TPST1: variants seen among roughly 807,000 people sequenced by gnomAD.
TPST1 encodes protein-tyrosine sulfotransferase 1.
Under a neutral mutation model 34.8 loss-of-function variants are expected in TPST1, and 20 were observed. The ratio of observed to expected loss-of-function variants is 0.57; its 90% confidence interval spans 0.40 to 0.84. The LOEUF (loss-of-function observed/expected upper bound fraction) is 0.84, where lower values mean the gene tolerates loss of function less well. TPST1 is among the 40% of genes least tolerant of loss of function. TPST1 has a pLI of 0.00. For synonymous variants in TPST1, 152 were observed against 159.4 expected (o/e 0.95, Z 0.35); for missense variants, 353 against 455.5 (o/e 0.78, Z 2.05).
intron 2 of TPST1, among the ~76,000 whole-genome samples, chr7:66,275,657 A>G (rs111497332): frequency 1.4e-4 from 22 of 152,226 alleles, no homozygotes; most frequent in Non-Finnish European, 2.9e-4. Flanking sequence ...ATTTCTATGT[A>G]GAACCTAAAA....
intron 2 of TPST1, among the ~76,000 whole-genome samples, chr7:66,284,419 A>G (rs1051757593): frequency 1.3e-5 from 2 of 151,584 alleles, no homozygotes; most frequent in African/African-American, 4.8e-5. Context: ...AAAAACCCAC[A>G]TGCTTTTTCT....
chr7:66,224,898 A>ATT (rs1385577766), intron 1 of TPST1, among the ~76,000 whole-genome samples: 2 of 46,132 alleles, frequency 4.3e-5, no homozygotes, highest in African/African-American at 1.6e-4. Context: ...ACATTCTGGT[A>ATT]TTCTTTTTTT....
In TPST1 at chr7:66,241,264, T is replaced by C; in HGVS notation, c.839T>C (p.Leu280Pro). The C allele has an allele frequency of 6.2e-7, 1 of 1,604,828 alleles. No homozygotes were observed. Among genetic ancestry groups the C allele is most frequent in the East Asian group, 2.2e-5 (1 of 44,782 alleles). ...EMIGKAGGVS[L>P]SKVERSTDQV... ...ATTGGGAAAGCTGGGGGAGTGTCTC[T>C]GTCAAAGTGAGTAGAAGATACGTTT... Residue 280 changes from leucine (L) to proline (P), a missense_variant, in exon 2 of 6, where the codon CTG (leucine) becomes CCG (proline). Transcript: ENST00000304842.
At chr7:66,264,806 T>C (rs1790558958) in intron 2 of TPST1, among the ~76,000 whole-genome samples, 1 of 152,178 alleles carries the variant, frequency 6.6e-6, no homozygotes, top group Non-Finnish European at 1.5e-5. Context: ...AAATTGTCCC[T>C]GAGGAAGCCC....
chr7:66,352,713 C>T (rs4149466), intron 4 of TPST1, 158 bp downstream of exon 4: 3 of 985,370 alleles, frequency 3.0e-6, no homozygotes, highest in East Asian at 1.1e-4. Context: ...GAAAGATCAG[C>T]GTCTGGGACT....
chr7:66,254,768 G>A (rs552712431), intron 2 of TPST1, among the ~76,000 whole-genome samples: 1 of 152,196 alleles, frequency 6.6e-6, no homozygotes, highest in African/African-American at 2.4e-5. Context: ...AATGACTTTT[G>A]TATATCTATA....
At chr7:66,356,709 G>C in intron 4 of TPST1, 116 bp from the exon 5 acceptor site, 1 of 1,168,360 alleles carries the variant, frequency 8.6e-7, no homozygotes, top group East Asian at 2.4e-5. Flanking sequence ...AGTGCACTGA[G>C]TTCATCTGAA....
chr7:66,228,625 T>C (rs1482073580), intron 1 of TPST1, among the ~76,000 whole-genome samples: 13 of 152,206 alleles, frequency 8.5e-5, no homozygotes, highest in Admixed American at 8.5e-4. Context: ...AACACTTCTC[T>C]TTGGTTCACT....
chr7:66,284,603 C>T (rs2115920255), intron 2 of TPST1, among the ~76,000 whole-genome samples: 1 of 123,908 alleles, frequency 8.1e-6, no homozygotes, highest in Non-Finnish European at 1.6e-5. Context: ...GTTGCCTAGT[C>T]TGGAGTGCAG....
intron 5 of TPST1, among the ~76,000 whole-genome samples, chr7:66,358,039 G>A (rs181237758): frequency 5.3e-4 from 81 of 152,102 alleles, no homozygotes; most frequent in South Asian, 6.2e-4. Context: ...AGCCGAAATC[G>A]TGCCATTGCA....
intron 3 of TPST1, among the ~76,000 whole-genome samples, chr7:66,347,292 TTCTGGCCTCAAGTGATCC>T (rs1792376783): frequency 6.6e-6 from 1 of 152,064 alleles, no homozygotes. Flanking sequence ...GGTCTCAAAC[TTCTGGCCTCAAGTGATCC>T]ACTGGCCTTG....
At chr7:66,231,277 C>T (rs1562805367) in intron 1 of TPST1, among the ~76,000 whole-genome samples, 1 of 152,266 alleles carries the variant, frequency 6.6e-6, no homozygotes, top group Non-Finnish European at 1.5e-5. Context: ...CCACCAGACT[C>T]AGGAGCCCAG....
At chr7:66,252,153 G>A (rs1393710504) in intron 2 of TPST1, among the ~76,000 whole-genome samples, 2 of 146,160 alleles carry the variant, frequency 1.4e-5, no homozygotes, top group African/African-American at 2.5e-5. Flanking sequence ...CGCCTCCCGG[G>A]TTCACGCCAT....
chr7:66,307,644 G>A (rs756083760), intron 3 of TPST1, among the ~76,000 whole-genome samples: 6 of 152,294 alleles, frequency 3.9e-5, no homozygotes, highest in East Asian at 1.9e-4. Context: ...TGGGAGCAGC[G>A]CTTTATTGGG....
At chr7:66,230,737 C>T (rs973290604) in intron 1 of TPST1, among the ~76,000 whole-genome samples, 1 of 152,184 alleles carries the variant, frequency 6.6e-6, no homozygotes, top group East Asian at 1.9e-4. Context: ...GAAGGGGACC[C>T]GAGCGGGTTG....
At chr7:66,256,063 G>A (rs2115669336) in intron 2 of TPST1, among the ~76,000 whole-genome samples, 1 of 152,114 alleles carries the variant, frequency 6.6e-6, no homozygotes, top group East Asian at 1.9e-4. Context: ...TATACCAACT[G>A]TTTAGTTACT....
chr7:66,329,589 G>C (rs1791956119), intron 3 of TPST1, among the ~76,000 whole-genome samples: 1 of 152,140 alleles, frequency 6.6e-6, no homozygotes, highest in Admixed American at 6.5e-5. Flanking sequence ...CGTTTCTCCA[G>C]TATATGACAC....
intron 3 of TPST1, among the ~76,000 whole-genome samples, chr7:66,294,276 A>C (rs1357373620): frequency 6.6e-6 from 1 of 152,214 alleles, no homozygotes; most frequent in African/African-American, 2.4e-5. Context: ...GCATAAGTTC[A>C]CTGATAGGCT....
chr7:66,343,291 T>C (rs1260381948), intron 3 of TPST1, among the ~76,000 whole-genome samples: 1 of 152,150 alleles, frequency 6.6e-6, no homozygotes, highest in Non-Finnish European at 1.5e-5. Context: ...CCTAAGTGAA[T>C]TAATGCTGAA....
Sources: allele counts gnomAD v4.1 joint callset (sites outside exome capture counted in the v4.1 genomes callset), GRCh38; gene constraint gnomAD v4.1.1; transcripts MANE v1.5; gene names NCBI Gene and HGNC (gene_info 2026-07-23, HGNC 2026-07-21).